Variants in CRYZL1 observed in about 807,000 individuals in gnomAD.
CRYZL1 encodes ferry endosomal RAB5 effector complex subunit 4.
Under a neutral mutation model 50.6 loss-of-function variants are expected in CRYZL1, and 34 were observed. That is an observed-to-expected ratio of 0.67 (90% CI 0.51 to 0.89). CRYZL1 has a LOEUF of 0.89. Among genes scored for constraint, CRYZL1 ranks in the 40% least tolerant of loss-of-function variants. The pLI is 0.00. For synonymous variants in CRYZL1, 125 were observed against 134.3 expected (o/e 0.93, Z 0.48); for missense variants, 354 against 402.3 (o/e 0.88, Z 1.03).
intron 5 of CRYZL1, 72 bp downstream of exon 5, chr21:33,616,634 A>C (rs1469796646): frequency 6.2e-7 from 1 of 1,601,460 alleles, no homozygotes. Flanking sequence ...GTGAACATTA[A>C]TAGTTATATA....
At position 33,603,525 on chromosome 21, in the gene CRYZL1, T is replaced by C. The variant is rs1360794921; in HGVS notation, c.344A>G (p.Glu115Gly). 1.2e-6 allele frequency: 2 copies of C among 1,614,100 alleles called. No individual in the cohort carries two copies. The highest frequency in any genetic ancestry group is 2.7e-5 in the African/African-American group (2 of 75,046). ...TGCTGCTTCCGTCCATGTGACCTTT[T>C]CTGGTTTATGAACTATCATAAAGAA... ...VHEHYLVHKP[E>G]KVTWTEAAGS... The change falls in exon 7 of 13, where the codon GAA becomes GGA. Residue 115 changes from glutamate to glycine, a missense_variant. Physicochemically the swap from Glu to Gly is moderately conservative, Grantham distance 98 (BLOSUM62 -2). Coordinates refer to ENST00000381554, the MANE Select transcript of CRYZL1 (RefSeq NM_145858.3).
At chr21:33,605,301 A>G (rs1046014696) in intron 6 of CRYZL1, among the ~76,000 whole-genome samples, 1 of 152,020 alleles carries the variant, frequency 6.6e-6, no homozygotes. Flanking sequence ...TTTAAAAAAC[A>G]GAATCATCAG....
At chr21:33,616,081 C>A (rs573933853) in intron 5 of CRYZL1, among the ~76,000 whole-genome samples, 45 of 152,074 alleles carry the variant, frequency 3.0e-4, no homozygotes, top group Middle Eastern at 3.2e-3. Context: ...TCCCTCCCCC[C>A]CCCAACCCCA....
At chr21:33,597,752 AC>A (rs1298555744) in intron 9 of CRYZL1, among the ~76,000 whole-genome samples, 3 of 152,070 alleles carry the variant, frequency 2.0e-5, no homozygotes, top group African/African-American at 7.2e-5. Flanking sequence ...AGCTGGGACT[AC>A]AAGCGCCGCC....
intron 1 of CRYZL1, among the ~76,000 whole-genome samples, chr21:33,636,155 G>A (rs949088454): frequency 2.0e-5 from 3 of 152,118 alleles, no homozygotes; most frequent in African/African-American, 7.2e-5. Context: ...AACAATTTGG[G>A]AGGAGGCTGG....
chr21:33,630,730 T>TA (rs1251994989), intron 2 of CRYZL1, among the ~76,000 whole-genome samples: 1 of 152,162 alleles, frequency 6.6e-6, no homozygotes, highest in African/African-American at 2.4e-5. Context: ...ACAGCAAAGA[T>TA]ATGGAATCAA....
chr21:33,613,983 C>T (rs2086900357), intron 5 of CRYZL1, among the ~76,000 whole-genome samples: 1 of 151,640 alleles, frequency 6.6e-6, no homozygotes, highest in Non-Finnish European at 1.5e-5. Context: ...CCAGCCTGGC[C>T]AACATGGAGA....
intron 1 of CRYZL1, among the ~76,000 whole-genome samples, chr21:33,635,284 T>C (rs2145963886): frequency 6.6e-6 from 1 of 152,254 alleles, no homozygotes; most frequent in South Asian, 2.1e-4. Context: ...AAGTCTCATG[T>C]TATTTAATAA....
At chr21:33,610,877 G>A (rs1028652157) in intron 6 of CRYZL1, among the ~76,000 whole-genome samples, 3 of 149,990 alleles carry the variant, frequency 2.0e-5, no homozygotes, top group African/African-American at 4.9e-5. Context: ...GATTACAGGC[G>A]CCCACGACCA....
intron 2 of CRYZL1, among the ~76,000 whole-genome samples, chr21:33,625,005 G>A (rs1489021424): frequency 6.6e-6 from 1 of 152,032 alleles, no homozygotes; most frequent in African/African-American, 2.4e-5. Flanking sequence ...ATAACAATAT[G>A]GATATATATG....
At chr21:33,621,898 AG>A (rs2087006835) in intron 4 of CRYZL1, 97 bp downstream of exon 4, 2 of 688,600 alleles carry the variant, frequency 2.9e-6, no homozygotes, top group South Asian at 4.4e-5. Flanking sequence ...TAAATTTGAA[AG>A]GCTGTATATA....
chr21:33,613,324 T>C lies in CRYZL1; in HGVS notation c.331+214A>G, dbSNP rs145128717. Among the ~76,000 whole-genome samples, 276 of 152,344 alleles carry C rather than the reference T, an allele frequency of 1.8e-3. 2 individuals carry two copies. The highest frequency in any genetic ancestry group is 6.4e-3 in the African/African-American group (265 of 41,590). On this transcript the variant is annotated intron_variant, in intron 6 of 12. Transcript: ENST00000381554. Reference sequence around the variant, plus strand: ...AGTGTTAGTAAAACTTAAAGGTCTATATATTGTTTAGTCTGAATATGAATT... The same window carrying C: ...AGTGTTAGTAAAACTTAAAGGTCTACATATTGTTTAGTCTGAATATGAATT...
intron 2 of CRYZL1, among the ~76,000 whole-genome samples, chr21:33,629,417 A>T (rs1256735571): frequency 4.6e-5 from 7 of 152,124 alleles, no homozygotes; most frequent in Admixed American, 4.6e-4. Flanking sequence ...GCACGCCACC[A>T]CACCCGGCTA....
At chr21:33,604,292 C>G (rs1028003530) in intron 6 of CRYZL1, among the ~76,000 whole-genome samples, 1 of 129,868 alleles carries the variant, frequency 7.7e-6, no homozygotes, top group Non-Finnish European at 1.6e-5. Flanking sequence ...GGAGGCAGAG[C>G]TTGTAGCGAG....
At position 33,639,976 on chromosome 21, in the gene CRYZL1, C is replaced by T. The variant is rs2087258928; in HGVS notation, c.-7+1705G>A. The T allele has an allele frequency of 1.0e-5, 5 of 487,772 alleles. No individual in the cohort carries two copies. In the South Asian group the frequency reaches 1.3e-4, roughly 12 times the overall value. 30.2% of individuals were successfully genotyped at this position (487,772 alleles called of 1,614,324 possible). ...GAGTAGCTGGAATTACAGGCGTGCA[C>T]CACCATGCCCGGCTAATTTCTGTAT... On this transcript the variant is annotated intron_variant, in intron 1 of 12. Coordinates refer to ENST00000381554, the MANE Select transcript of CRYZL1 (RefSeq NM_145858.3).
At chr21:33,641,196 T>C in intron 1 of CRYZL1, 1 of 1,550,498 alleles carries the variant, frequency 6.4e-7, no homozygotes, top group South Asian at 1.2e-5. Context: ...TCCAGATGAT[T>C]CCGCCGTTTA....
At chr21:33,631,029 A>G (rs2087131732) in intron 2 of CRYZL1, among the ~76,000 whole-genome samples, 1 of 152,228 alleles carries the variant, frequency 6.6e-6, no homozygotes, top group African/African-American at 2.4e-5. Context: ...GAGGTTGGTC[A>G]ACAGGTACAA....
intron 2 of CRYZL1, among the ~76,000 whole-genome samples, chr21:33,629,322 C>G (rs964578025): frequency 1.2e-4 from 19 of 152,136 alleles, no homozygotes; most frequent in African/African-American, 2.4e-5. Context: ...AGTGCAGTGG[C>G]ACAATCTTGG....
At chr21:33,597,134 T>G (rs774463398) in intron 10 of CRYZL1, 146 bp downstream of exon 10, 30 of 736,698 alleles carry the variant, frequency 4.1e-5, no homozygotes, top group Non-Finnish European at 6.5e-5. Context: ...CCTCCCATAG[T>G]GCTGGACTCA....
Sources: gnomAD v4.1 joint callset for allele counts (sites outside exome capture counted in the v4.1 genomes callset) on GRCh38, gnomAD v4.1.1 for gene constraint, MANE v1.5 for transcripts, NCBI Gene and HGNC (gene_info 2026-07-23, HGNC 2026-07-21) for gene names.